The following KCTD8 variants were observed in gnomAD, a reference collection of about 807,000 sequenced individuals.
The protein encoded by KCTD8 is BTB/POZ domain-containing protein KCTD8.
Under a neutral mutation model 31.5 loss-of-function variants are expected in KCTD8, and 27 were observed. That is an observed-to-expected ratio of 0.86 (90% CI 0.63 to 1.18). The LOEUF (loss-of-function observed/expected upper bound fraction) is 1.18, where lower values mean the gene tolerates loss of function less well. KCTD8 is among the 50% of genes most tolerant of loss of function. The probability of loss-of-function intolerance (pLI) is 0.00; values close to 1 mark genes in which losing one functional copy is unlikely to be tolerated. For synonymous variants in KCTD8, 290 were observed against 280.0 expected, an observed-to-expected ratio of 1.04 and a Z score of -0.36; for missense variants, 658 against 647.7, an observed-to-expected ratio of 1.02 and a Z score of -0.17.
intron 1 of KCTD8, among the ~76,000 whole-genome samples, chr4:44,352,283 G>C (rs748820216): frequency 5.3e-5 from 8 of 151,922 alleles, no homozygotes; most frequent in Non-Finnish European, 8.8e-5. Flanking sequence ...CTGTGGCTAT[G>C]TGATATATGT....
intron 1 of KCTD8, among the ~76,000 whole-genome samples, chr4:44,340,389 C>T (rs1718864571): frequency 6.6e-6 from 1 of 151,760 alleles, no homozygotes; most frequent in African/African-American, 2.4e-5. Context: ...AGCTCCACCT[C>T]CTGTGTTCAC....
intron 1 of KCTD8, among the ~76,000 whole-genome samples, chr4:44,385,769 C>A (rs896685294): frequency 3.3e-5 from 5 of 151,336 alleles, no homozygotes; most frequent in Non-Finnish European, 5.9e-5. Flanking sequence ...AAAAGACAAC[C>A]CACAGAATGA....
intron 1 of KCTD8, among the ~76,000 whole-genome samples, chr4:44,421,983 A>C (rs1721223486): frequency 6.6e-6 from 1 of 152,126 alleles, no homozygotes; most frequent in Non-Finnish European, 1.5e-5. Context: ...GCATTAATTA[A>C]CTGTTCCTGA....
At chr4:44,385,378 A>G (rs1479775941) in intron 1 of KCTD8, among the ~76,000 whole-genome samples, 3 of 151,774 alleles carry the variant, frequency 2.0e-5, no homozygotes, top group Non-Finnish European at 4.4e-5. Flanking sequence ...AATAGAATAG[A>G]AAGCCTAGAA....
chr4:44,267,829 C>A (rs567975863), intron 1 of KCTD8, among the ~76,000 whole-genome samples: 9 of 152,144 alleles, frequency 5.9e-5, no homozygotes, highest in Non-Finnish European at 1.0e-4. Flanking sequence ...TACATTCTCC[C>A]AAGACTAAAC....
chr4:44,344,847 A>AC (rs1718998617), intron 1 of KCTD8, among the ~76,000 whole-genome samples: 1 of 152,222 alleles, frequency 6.6e-6, no homozygotes. Context: ...CATTTGAGAA[A>AC]CACTGCTCTA....
chr4:44,436,338 C>G (rs1001080892), intron 1 of KCTD8, among the ~76,000 whole-genome samples: 1 of 151,942 alleles, frequency 6.6e-6, no homozygotes, highest in Non-Finnish European at 1.5e-5. Context: ...TCAACAAGAC[C>G]TCCTTCTGTA....
intron 1 of KCTD8, among the ~76,000 whole-genome samples, chr4:44,443,417 A>C (rs1304760175): frequency 6.6e-6 from 1 of 152,226 alleles, no homozygotes; most frequent in Non-Finnish European, 1.5e-5. Context: ...ATGCTAGCCC[A>C]GGATTGAATA....
rs186347225 is a variant in KCTD8 at position 44,358,035 on chromosome 4, T to A, written c.961+89528A>T. Among the ~76,000 whole-genome samples, 1,278 of 152,042 alleles carry A rather than the reference T, an allele frequency of 8.4e-3. 13 individuals are homozygous for A. The highest frequency in any genetic ancestry group is 0.014 in the Non-Finnish European group (950 of 67,962). On this transcript the variant is annotated intron_variant, in intron 1 of 1. Transcript: ENST00000360029. ...TCTACATTAGGTATTTCTCCTAATGTTATCCCTCCCCTAGCCCCCCACCCC... is the reference window on the plus strand; with the variant it reads ...TCTACATTAGGTATTTCTCCTAATGATATCCCTCCCCTAGCCCCCCACCCC...
chr4:44,210,546 A>T (rs904162727), intron 1 of KCTD8, among the ~76,000 whole-genome samples: 6 of 152,214 alleles, frequency 3.9e-5, no homozygotes, highest in Admixed American at 2.0e-4. Context: ...CCTATCCACC[A>T]TGCAGTCATA....
chr4:44,189,842 T>C (rs1218377408), intron 1 of KCTD8, among the ~76,000 whole-genome samples: 1 of 152,214 alleles, frequency 6.6e-6, no homozygotes, highest in Non-Finnish European at 1.5e-5. Flanking sequence ...CCTCTTATGC[T>C]TTCTATTTTC....
chr4:44,203,971 T>C (rs1259443590), intron 1 of KCTD8, among the ~76,000 whole-genome samples: 2 of 151,962 alleles, frequency 1.3e-5, no homozygotes, highest in African/African-American at 4.8e-5. Flanking sequence ...AATGCCTTTA[T>C]GGAAACAAAT....
chr4:44,429,260 T>C (rs1458856402), intron 1 of KCTD8, among the ~76,000 whole-genome samples: 1 of 151,780 alleles, frequency 6.6e-6, no homozygotes, highest in African/African-American at 2.4e-5. Context: ...TTTGTACAAG[T>C]ATTGGACAAG....
chr4:44,355,163 C>T (rs1577632880), intron 1 of KCTD8, among the ~76,000 whole-genome samples: 1 of 152,024 alleles, frequency 6.6e-6, no homozygotes, highest in Non-Finnish European at 1.5e-5. Context: ...AGTTTACTCC[C>T]GTATTCGACA....
intron 1 of KCTD8, among the ~76,000 whole-genome samples, chr4:44,262,537 A>G (rs1249225661): frequency 2.9e-4 from 44 of 152,102 alleles, no homozygotes; most frequent in South Asian, 8.3e-4. Context: ...GTGAGGGAAA[A>G]AAAGCATTAT....
intron 1 of KCTD8, among the ~76,000 whole-genome samples, chr4:44,360,611 C>G (rs17461002): frequency 2.0e-5 from 3 of 151,652 alleles, no homozygotes; most frequent in Non-Finnish European, 4.4e-5. Flanking sequence ...CCAGGAGCAT[C>G]GAGAAAACAG....
chr4:44,420,271 A>G (rs2109470314), intron 1 of KCTD8, among the ~76,000 whole-genome samples: 1 of 152,332 alleles, frequency 6.6e-6, no homozygotes, highest in South Asian at 2.1e-4. Flanking sequence ...ACAATTTTTA[A>G]TTATTTGAGT....
chr4:44,195,473 G>A (rs940831058), intron 1 of KCTD8, among the ~76,000 whole-genome samples: 7 of 152,146 alleles, frequency 4.6e-5, no homozygotes, highest in Middle Eastern at 3.2e-3. Context: ...GTAAGGTTAA[G>A]AGGAAAGATC....
chr4:44,316,837 G>A (rs1183781858), intron 1 of KCTD8, among the ~76,000 whole-genome samples: 6 of 140,064 alleles, frequency 4.3e-5, no homozygotes, highest in Non-Finnish European at 7.6e-5. Flanking sequence ...GATAAGCCGA[G>A]CTTGGTGGCC....
Sources: allele counts gnomAD v4.1 joint callset (sites outside exome capture counted in the v4.1 genomes callset), GRCh38; gene constraint gnomAD v4.1.1; transcripts MANE v1.5; gene names NCBI Gene and HGNC (gene_info 2026-07-23, HGNC 2026-07-21).